Variants in MRAS observed in about 807,000 individuals in gnomAD.
MRAS encodes muscle RAS oncogene homolog.
A neutral mutation model predicts 20.9 loss-of-function variants in MRAS; 4 were observed. The observed-to-expected ratio is 0.19, with a 90% confidence interval of 0.09 to 0.44. The LOEUF is 0.44. MRAS is among the 20% of genes least tolerant of loss of function. MRAS has a pLI of 0.99. For missense variants in MRAS, 154 were observed against 277.5 expected (o/e 0.56, Z 3.16); for synonymous variants, 98 against 102.9 (o/e 0.95, Z 0.29).
chr3:138,353,151 A>C (rs2054262710), intron 1 of MRAS, among the ~76,000 whole-genome samples: 1 of 152,170 alleles, frequency 6.6e-6, no homozygotes, highest in South Asian at 2.1e-4. Flanking sequence ...TAATAGTTAT[A>C]TGCTGGTTTA....
intron 2 of MRAS, among the ~76,000 whole-genome samples, chr3:138,390,192 A>G (rs1367513505): frequency 6.6e-6 from 1 of 152,108 alleles, no homozygotes; most frequent in African/African-American, 2.4e-5. Context: ...GCCTGGGACT[A>G]CATGCCTTGC....
chr3:138,382,913 C>T (rs556513439), intron 2 of MRAS, among the ~76,000 whole-genome samples: 1 of 152,150 alleles, frequency 6.6e-6, no homozygotes, highest in African/African-American at 2.4e-5. Flanking sequence ...GATCTGAGAC[C>T]TCCCCTGTCT....
At chr3:138,363,083 C>T (rs572358069) in intron 1 of MRAS, among the ~76,000 whole-genome samples, 1 of 151,938 alleles carries the variant, frequency 6.6e-6, no homozygotes, top group African/African-American at 2.4e-5. Context: ...GTTGCCCAGG[C>T]TTGAGTGCAG....
chr3:138,398,406 C>CA, intron 3 of MRAS, 63 bp from the exon 4 acceptor site: 1 of 1,406,136 alleles, frequency 7.1e-7, no homozygotes, highest in Non-Finnish European at 1.0e-6. Flanking sequence ...GTGAATGTGC[C>CA]ACCTTAACCA....
chr3:138,348,328 A>C (rs956129523), upstream of MRAS: 5 of 152,252 alleles, frequency 3.3e-5, no homozygotes, highest in Non-Finnish European at 5.9e-5. Flanking sequence ...TGACCCGGGT[A>C]AGTGCTGGGC....
chr3:138,382,590 A>T (rs2054927565), intron 2 of MRAS, among the ~76,000 whole-genome samples: 1 of 152,068 alleles, frequency 6.6e-6, no homozygotes, highest in South Asian at 2.1e-4. Flanking sequence ...CCCTTCCCAG[A>T]CCCACTAGCC....
At chr3:138,366,630 C>T (rs375553930) in intron 1 of MRAS, among the ~76,000 whole-genome samples, 31 of 152,304 alleles carry the variant, frequency 2.0e-4, no homozygotes, top group African/African-American at 6.5e-4. Context: ...GATAGTGAAT[C>T]GTGAAGACGC....
chr3:138,354,219 A>G (rs1362758411), intron 1 of MRAS, among the ~76,000 whole-genome samples: 2 of 151,818 alleles, frequency 1.3e-5, no homozygotes, highest in Non-Finnish European at 2.9e-5. Flanking sequence ...GAACCCCTAA[A>G]TCATTTGTGC....
In MRAS at chr3:138,405,382, G is replaced by T. The variant is rs182099538; in HGVS notation, c.*3113G>T. On this transcript the variant is annotated 3_prime_UTR_variant, in exon 6 of 6. Transcript: ENST00000423968. ...AAGATACTTGAATTATTGTGCGCCT[G>T]TGAGCGCCCAGCTTCTGTTTCATAG... 1.0e-3 allele frequency: 154 copies of T among 152,828 alleles called. No individual in the cohort carries two copies. Among genetic ancestry groups the T allele is most frequent in the African/African-American group, 3.7e-3 (154 of 41,604 alleles). The allele number at this position is 152,828 out of a possible 1,614,324, so 9.5% of individuals were successfully genotyped here.
rs1464438026 is a variant in MRAS at position 138,404,486 on chromosome 3, CAT to C, written c.*2219_*2220del. The C allele has an allele frequency of 6.6e-6, 1 of 152,250 alleles. No homozygotes were observed. The highest frequency in any genetic ancestry group is 1.9e-4 in the East Asian group (1 of 5,200). The allele number at this position is 152,250 out of a possible 1,614,324, so 9.4% of individuals were successfully genotyped here. On this transcript the variant is annotated 3_prime_UTR_variant, in exon 6 of 6. Coordinates refer to ENST00000423968, the MANE Select transcript of MRAS (RefSeq NM_001085049.3). ...GACCTCGGCCATAAAGGTGAGAAGA[CAT>C]AGGGATTTCAACCACACAGTTGGGA...
At chr3:138,376,285 A>G (rs935956573) in intron 2 of MRAS, among the ~76,000 whole-genome samples, 3 of 152,202 alleles carry the variant, frequency 2.0e-5, no homozygotes. Flanking sequence ...GTCTTCCCTG[A>G]CCAAACCATT....
At chr3:138,364,005 G>A (rs1468883525) in intron 1 of MRAS, among the ~76,000 whole-genome samples, 1 of 152,176 alleles carries the variant, frequency 6.6e-6, no homozygotes, top group East Asian at 1.9e-4. Context: ...TGCAAAAGAA[G>A]GCATCTGAGG....
At chr3:138,356,324 T>C (rs2054333360) in intron 1 of MRAS, among the ~76,000 whole-genome samples, 1 of 152,156 alleles carries the variant, frequency 6.6e-6, no homozygotes, top group Non-Finnish European at 1.5e-5. Context: ...CCCACCCCTT[T>C]AGGAGCTGAC....
intron 1 of MRAS, among the ~76,000 whole-genome samples, chr3:138,357,816 G>A (rs1004226645): frequency 1.3e-5 from 2 of 152,138 alleles, no homozygotes; most frequent in African/African-American, 4.8e-5. Flanking sequence ...CCAGATCAGG[G>A]CAGAAGTTAA....
At chr3:138,383,356 G>A (rs1189081426) in intron 2 of MRAS, among the ~76,000 whole-genome samples, 1 of 151,944 alleles carries the variant, frequency 6.6e-6, no homozygotes, top group African/African-American at 2.4e-5. Context: ...TTAGACACAG[G>A]GTCTCACCGT....
At chr3:138,394,582 C>G (rs1462048184) in intron 2 of MRAS, among the ~76,000 whole-genome samples, 3 of 152,290 alleles carry the variant, frequency 2.0e-5, no homozygotes, top group African/African-American at 4.8e-5. Flanking sequence ...CTCTTGCCCC[C>G]TCTTCTCTTC....
intron 1 of MRAS, among the ~76,000 whole-genome samples, chr3:138,355,273 C>A (rs1165493055): frequency 1.3e-5 from 2 of 152,182 alleles, no homozygotes; most frequent in Non-Finnish European, 2.9e-5. Flanking sequence ...GCCAACCCTG[C>A]ATCTGCAGTT....
intron 2 of MRAS, among the ~76,000 whole-genome samples, chr3:138,394,770 C>T (rs2055201246): frequency 1.3e-5 from 2 of 152,234 alleles, no homozygotes; most frequent in African/African-American, 4.8e-5. Flanking sequence ...AGGCGTCATC[C>T]TCAATGCCTC....
chr3:138,402,182 G>A lies in MRAS; in HGVS notation c.540G>A (p.Pro180=), dbSNP rs375850690. The A allele has an allele frequency of 1.4e-4, 224 of 1,614,036 alleles. 1 individual carries two copies. Among genetic ancestry groups the A allele is most frequent in the Non-Finnish European group, 1.7e-4 (196 of 1,180,022 alleles). ...DLVRVIRQQI[P]EKSQKKKKKT... ...ATTGTTTCAAAAGGCAACAGATTCC[G>A]GAAAAAAGCCAGAAGAAGAAGAAGA... Residue 180 remains proline, a synonymous_variant, in exon 6 of 6, where the codon CCG becomes CCA. Coordinates refer to ENST00000423968, the MANE Select transcript of MRAS (RefSeq NM_001085049.3).
Sources: gnomAD v4.1 joint callset for allele counts (sites outside exome capture counted in the v4.1 genomes callset) on GRCh38, gnomAD v4.1.1 for gene constraint, MANE v1.5 for transcripts, NCBI Gene and HGNC (gene_info 2026-07-23, HGNC 2026-07-21) for gene names.